The following STAU2 variants were observed in gnomAD, a reference collection of about 807,000 sequenced individuals.
STAU2 encodes double-stranded RNA-binding protein Staufen homolog 2.
STAU2 carries 20 observed loss-of-function variants against 65.9 expected under a neutral mutation model. The observed-to-expected ratio is 0.30, with a 90% CI of 0.21 to 0.44. The LOEUF (loss-of-function observed/expected upper bound fraction) is 0.44, where lower values mean the gene tolerates loss of function less well. STAU2 is among the 20% of genes least tolerant of loss of function. The pLI is 1.00. For synonymous variants in STAU2, 232 were observed against 233.9 expected (o/e 0.99, Z 0.07); for missense variants, 558 against 683.9 (o/e 0.82, Z 2.05).
At chr8:73,659,316 T>A (rs1225073896) in intron 6 of STAU2, among the ~76,000 whole-genome samples, 1 of 152,158 alleles carries the variant, frequency 6.6e-6, no homozygotes, top group East Asian at 1.9e-4. Context: ...GGCGGGCAGA[T>A]CACCTGAGGT....
rs188188023 is a variant in STAU2 at position 73,430,598 on chromosome 8, C to T, written c.1531-7896G>A. 2.0e-5 allele frequency among the ~76,000 whole-genome samples: 3 copies of T among 152,320 alleles called. No homozygotes were observed. In the East Asian group the frequency reaches 5.8e-4, roughly 29 times the overall value. On this transcript the variant is annotated intron_variant, in intron 13 of 14. Transcript: ENST00000524300. ...AGCAAGACCCAAGTATATACTGAAGCTGGCAAGCAGAGTGAGCTTTTGCTA... is the reference window on the plus strand; with the variant it reads ...AGCAAGACCCAAGTATATACTGAAGTTGGCAAGCAGAGTGAGCTTTTGCTA...
intron 13 of STAU2, among the ~76,000 whole-genome samples, chr8:73,507,129 T>C (rs377432602): frequency 2.8e-4 from 42 of 152,272 alleles, no homozygotes; most frequent in African/African-American, 1.0e-3. Flanking sequence ...AATGTTGACC[T>C]CCTCCCATGA....
intron 13 of STAU2, among the ~76,000 whole-genome samples, chr8:73,478,952 C>T (rs1209060439): frequency 6.6e-6 from 1 of 152,018 alleles, no homozygotes; most frequent in Admixed American, 6.6e-5. Context: ...AATCAGTTGC[C>T]TGAACCTTGG....
intron 13 of STAU2, among the ~76,000 whole-genome samples, chr8:73,471,863 GAAGA>G (rs1178009564): frequency 6.8e-6 from 1 of 146,924 alleles, no homozygotes; most frequent in Non-Finnish European, 1.5e-5. Flanking sequence ...AGGAGAAGGA[GAAGA>G]AAGAAATTCA....
intron 3 of STAU2, among the ~76,000 whole-genome samples, chr8:73,726,930 C>T (rs184996824): frequency 2.6e-5 from 4 of 152,116 alleles, no homozygotes; most frequent in African/African-American, 9.6e-5. Flanking sequence ...CTAATTAATC[C>T]ATTCAAAGTG....
intron 13 of STAU2, among the ~76,000 whole-genome samples, chr8:73,487,863 TA>T (rs564738980): frequency 6.6e-6 from 1 of 152,040 alleles, no homozygotes; most frequent in Non-Finnish European, 1.5e-5. Flanking sequence ...CAAACTATAA[TA>T]AAAAAATTAG....
intron 12 of STAU2, among the ~76,000 whole-genome samples, chr8:73,577,256 G>A (rs1031759659): frequency 5.3e-5 from 8 of 151,780 alleles, no homozygotes; most frequent in African/African-American, 1.2e-4. Context: ...ATGAAACCCC[G>A]TCTCTACTAA....
chr8:73,524,119 A>G lies in STAU2; in HGVS notation c.1530+27893T>C, dbSNP rs145101823. Among the ~76,000 whole-genome samples the G allele has an allele frequency of 7.9e-5, 12 of 152,316 alleles. No homozygotes were observed. In the East Asian group the frequency reaches 1.7e-3, roughly 22 times the overall value. On this transcript the variant is annotated intron_variant, in intron 13 of 14. Transcript: ENST00000524300. ...ATGAGGCTAATTTAGAGACTGCTGC[A>G]GTCATCTGGGTTAAAAATGATAGGG... is the stretch of plus-strand genomic sequence containing the variant.
At chr8:73,425,444 C>T (rs987162162) in intron 13 of STAU2, among the ~76,000 whole-genome samples, 1 of 152,122 alleles carries the variant, frequency 6.6e-6, no homozygotes, top group African/African-American at 2.4e-5. Context: ...CAGATTCTCC[C>T]TCACAGCCTT....
chr8:73,627,594 T>C (rs1317974078), intron 6 of STAU2, among the ~76,000 whole-genome samples: 1 of 152,228 alleles, frequency 6.6e-6, no homozygotes, highest in Non-Finnish European at 1.5e-5. Flanking sequence ...AGGATTTTCC[T>C]ATTATTTCCA....
intron 6 of STAU2, among the ~76,000 whole-genome samples, chr8:73,646,665 A>C (rs1815395016): frequency 6.6e-6 from 1 of 152,170 alleles, no homozygotes; most frequent in African/African-American, 2.4e-5. Flanking sequence ...AGATTTGGTG[A>C]GGAGATTTAG....
chr8:73,702,892 A>G lies in STAU2; in HGVS notation c.114+6140T>C, dbSNP rs56946971. ...TAAAATTAGAAAGGCTGACTATATAACCTGTAGGCAAGGGGGCAGAAAAAC... is the reference window on the plus strand; with the variant it reads ...TAAAATTAGAAAGGCTGACTATATAGCCTGTAGGCAAGGGGGCAGAAAAAC... On this transcript the variant is annotated intron_variant, in intron 4 of 14. Coordinates refer to ENST00000524300, the MANE Select transcript of STAU2 (RefSeq NM_001164380.2). 8.6e-3 allele frequency among the ~76,000 whole-genome samples: 1,316 copies of G among 152,272 alleles called. 10 individuals are homozygous for G. The highest frequency in any genetic ancestry group is 0.03 in the African/African-American group (1,241 of 41,546).
chr8:73,720,499 CTTTTTT>C (rs1174035145), intron 3 of STAU2, among the ~76,000 whole-genome samples: 8 of 39,102 alleles, frequency 2.0e-4, no homozygotes, highest in East Asian at 1.9e-3. Flanking sequence ...AAAATACTTT[CTTTTTT>C]TTTTTTTTTT....
At chr8:73,597,242 G>A (rs554556971) in intron 10 of STAU2, among the ~76,000 whole-genome samples, 1 of 152,044 alleles carries the variant, frequency 6.6e-6, no homozygotes, top group South Asian at 2.1e-4. Context: ...AAAAAAATAC[G>A]AGTTCTTCTC....
chr8:73,613,994 C>G lies in STAU2; in HGVS notation c.679-38G>C, dbSNP rs1023713556. On this transcript the variant is annotated intron_variant, in intron 8 of 14. Transcript: ENST00000524300. ...AGTAAAATATTAAATAATGGATAGG[C>G]ACTTGAGATGTATTCTTAAAGTATG... The G allele has an allele frequency of 6.1e-6, 9 of 1,468,844 alleles. No individual in the cohort carries two copies. In the African/African-American group the frequency reaches 7.2e-5, roughly 12 times the overall value. 91.0% of individuals were successfully genotyped at this position (1,468,844 alleles called of 1,614,324 possible).
intron 8 of STAU2, 59 bp from the exon 9 acceptor site, chr8:73,614,015 G>T: frequency 7.3e-7 from 1 of 1,363,028 alleles, no homozygotes; most frequent in Non-Finnish European, 9.9e-7. Flanking sequence ...TATTCTTAAA[G>T]TATGACTTAA....
intron 3 of STAU2, among the ~76,000 whole-genome samples, chr8:73,737,263 C>T (rs898515964): frequency 1.3e-4 from 19 of 150,534 alleles, no homozygotes; most frequent in Non-Finnish European, 1.3e-4. Context: ...CTCCGCCTCC[C>T]GGGTTCAAGT....
At chr8:73,668,916 T>C (rs1563494700) in intron 6 of STAU2, 2 of 630,308 alleles carry the variant, frequency 3.2e-6, no homozygotes, top group East Asian at 2.7e-5. Context: ...TAATACCTAA[T>C]TTTGCTTAAT....
rs143228324 is a variant in STAU2, at chr8:73,565,229, C to A, written c.1223-12910G>T. Among the ~76,000 whole-genome samples, 85 of 152,178 alleles carry A rather than the reference C, an allele frequency of 5.6e-4. 1 individual carries two copies. The highest frequency in any genetic ancestry group is 1.1e-3 in the Non-Finnish European group (76 of 68,002). On this transcript the variant is annotated intron_variant, in intron 12 of 14. Coordinates refer to ENST00000524300, the MANE Select transcript of STAU2 (RefSeq NM_001164380.2). ...GTGATTGAATCATGGGGGCAGACTT[C>A]CCCCTTGCTGTTCTCCTGATAGAGT...
Sources: gnomAD v4.1 joint callset for allele counts (sites outside exome capture counted in the v4.1 genomes callset) on GRCh38, gnomAD v4.1.1 for gene constraint, MANE v1.5 for transcripts, NCBI Gene and HGNC (gene_info 2026-07-23, HGNC 2026-07-21) for gene names.